WNT11: variants seen among roughly 807,000 people sequenced by gnomAD.
The protein encoded by WNT11 is Wnt family member 11.
In WNT11, 20 loss-of-function variants were observed where a neutral mutation model predicts 35.6. The observed-to-expected ratio is 0.56, with a 90% CI of 0.40 to 0.82. The LOEUF (loss-of-function observed/expected upper bound fraction) is 0.82. WNT11 is among the 40% of genes least tolerant of loss of function. The probability of loss-of-function intolerance (pLI) is 0.00; values close to 1 mark genes in which losing one functional copy is unlikely to be tolerated. For missense variants in WNT11, 459 were observed against 504.4 expected (o/e 0.91, Z 0.86); for synonymous variants, 200 against 211.9 (o/e 0.94, Z 0.49).
At chr11:76,207,319 C>T (rs967258579), upstream of WNT11, among the ~76,000 whole-genome samples, 2 of 152,300 alleles carry the variant, frequency 1.3e-5, no homozygotes, top group Admixed American at 1.3e-4. Context: ...GCGGAGATTG[C>T]GCCACTGCAC....
upstream of WNT11, among the ~76,000 whole-genome samples, chr11:76,209,229 T>C (rs371548302): frequency 5.3e-5 from 8 of 152,196 alleles, no homozygotes; most frequent in African/African-American, 1.9e-4. Context: ...TCCTCGAAGT[T>C]GGTCCGAGCT....
At chr11:76,198,664 C>T (rs1953325895) in intron 1 of WNT11, among the ~76,000 whole-genome samples, 2 of 152,144 alleles carry the variant, frequency 1.3e-5, no homozygotes. Flanking sequence ...AGATCCTTTC[C>T]TCAAGGATGC....
chr11:76,208,065 AG>A (rs1319532700), upstream of WNT11, among the ~76,000 whole-genome samples: 6 of 152,312 alleles, frequency 3.9e-5, no homozygotes, highest in East Asian at 1.2e-3. Flanking sequence ...AGCTTGGGCA[AG>A]CCCTCAGCCA....
chr11:76,188,864 C>G (rs972989005), intron 4 of WNT11, among the ~76,000 whole-genome samples: 1 of 152,164 alleles, frequency 6.6e-6, no homozygotes, highest in Non-Finnish European at 1.5e-5. Flanking sequence ...AGGCAGAAGA[C>G]GAGGCCTGCC....
At chr11:76,199,354 G>A (rs1953338602) in intron 1 of WNT11, among the ~76,000 whole-genome samples, 1 of 151,816 alleles carries the variant, frequency 6.6e-6, no homozygotes, top group Non-Finnish European at 1.5e-5. Context: ...GTGTTGTGGT[G>A]CATGCCTATA....
chr11:76,192,038 G>C (rs1298778130), intron 3 of WNT11, among the ~76,000 whole-genome samples, 182 bp from the exon 4 acceptor site: 1 of 152,128 alleles, frequency 6.6e-6, no homozygotes, highest in Non-Finnish European at 1.5e-5. Context: ...GCAACCGTGG[G>C]GGGCACAGCT....
At chr11:76,188,710 C>T (rs1300243252) in intron 4 of WNT11, among the ~76,000 whole-genome samples, 1 of 152,218 alleles carries the variant, frequency 6.6e-6, no homozygotes, top group Admixed American at 6.5e-5. Context: ...AGGGGCCTTG[C>T]CCGTGGTGAG....
intron 1 of WNT11, among the ~76,000 whole-genome samples, chr11:76,205,719 A>T (rs1273080277): frequency 6.6e-6 from 1 of 151,468 alleles, no homozygotes; most frequent in Non-Finnish European, 1.5e-5. Flanking sequence ...TCTCCCTCCT[A>T]CCCCTGCGTG....
chr11:76,194,684 G>C lies in WNT11; in HGVS notation c.480C>G (p.Asn160Lys). The C allele has an allele frequency of 6.4e-7, 1 of 1,550,656 alleles. No homozygotes were observed. Among genetic ancestry groups the C allele is most frequent in the Non-Finnish European group, 8.7e-7 (1 of 1,146,948 alleles). ...CCCCCATGAGGAGCCCGTAGCTGAG[G>C]TTGTCCGCACATCCTCCCCAGCGGT... The part of the protein sequence containing the change: ...PGNRWGGCAD[N>K]LSYGLLMGAK... Residue 160 changes from asparagine (N) to lysine (K), a missense_variant, in exon 3 of 5, where the codon AAC becomes AAG. By Grantham distance (94) the Asn-to-Lys change is moderately conservative (BLOSUM62 0). Transcript: ENST00000322563. This position sits in a 1 kb window ranked among gnomAD's most constrained non-coding sequence, Gnocchi z 5.4.
intron 4 of WNT11, among the ~76,000 whole-genome samples, chr11:76,189,164 A>G (rs963556693): frequency 1.3e-5 from 2 of 152,242 alleles, no homozygotes; most frequent in African/African-American, 4.8e-5. Flanking sequence ...CTTGGCATCC[A>G]TGAGTTCCCC....
At chr11:76,205,553 C>T (rs1267777872) in intron 1 of WNT11, among the ~76,000 whole-genome samples, 1 of 152,208 alleles carries the variant, frequency 6.6e-6, no homozygotes, top group Admixed American at 6.5e-5. Context: ...GGTTTCTCCT[C>T]GGGCACTTGG....
At chr11:76,188,216 G>GT (rs1177244868) in intron 4 of WNT11, among the ~76,000 whole-genome samples, 2 of 152,232 alleles carry the variant, frequency 1.3e-5, no homozygotes, top group Admixed American at 1.3e-4. Flanking sequence ...TCTTATCTTA[G>GT]TGGAGGCCTG....
Position 76,187,151 on chromosome 11 carries a change from C to T in WNT11, c.979G>A (p.Glu327Lys), listed in dbSNP as rs148453764. The T allele has an allele frequency of 1.9e-6, 3 of 1,612,032 alleles. No individual in the cohort carries two copies. Among genetic ancestry groups the T allele is most frequent in the Admixed American group, 1.7e-5 (1 of 60,032 alleles). Residue 327 changes from glutamate (E) to lysine (K), a missense_variant, in exon 5 of 5, where the codon GAG becomes AAG. Glu to Lys is a moderately conservative substitution (Grantham distance 56). Transcript: ENST00000322563. ...CAGTGGTACTTACAGTGGCACCGCTCGACCACGCGGTCTGTGTAGGGGTTG... is the reference window on the plus strand; with the variant it reads ...CAGTGGTACTTACAGTGGCACCGCTTGACCACGCGGTCTGTGTAGGGGTTG... ...GYNPYTDRVV[E>K]RCHCKYHWCC...
chr11:76,190,529 C>T (rs1256545610), intron 4 of WNT11, among the ~76,000 whole-genome samples: 1 of 152,110 alleles, frequency 6.6e-6, no homozygotes, highest in Admixed American at 6.5e-5. Context: ...CTCCTGGAGA[C>T]AGGAACGTGG....
intron 3 of WNT11, among the ~76,000 whole-genome samples, chr11:76,192,365 G>C (rs1262793701): frequency 2.0e-5 from 3 of 152,180 alleles, no homozygotes. Flanking sequence ...AAGAAGAGAA[G>C]GAAGGAAGGG....
upstream of WNT11, among the ~76,000 whole-genome samples, chr11:76,209,152 C>T (rs1953519950): frequency 6.6e-6 from 1 of 152,154 alleles, no homozygotes; most frequent in Non-Finnish European, 1.5e-5. Context: ...TGCCCGGCCC[C>T]TTGCTTGGGG....
intron 1 of WNT11, among the ~76,000 whole-genome samples, chr11:76,201,218 G>A (rs1015207535): frequency 6.6e-6 from 1 of 152,212 alleles, no homozygotes; most frequent in African/African-American, 2.4e-5. Flanking sequence ...GCCCTGGTGG[G>A]CCCAGAGCAG....
chr11:76,197,118 G>A (rs528779778), intron 1 of WNT11, among the ~76,000 whole-genome samples: 6 of 152,330 alleles, frequency 3.9e-5, no homozygotes, highest in African/African-American at 7.2e-5. Context: ...GAGCAGCTAC[G>A]TGCCAGAAAC....
At chr11:76,204,722 A>T (rs1953444026) in intron 1 of WNT11, among the ~76,000 whole-genome samples, 1 of 152,016 alleles carries the variant, frequency 6.6e-6, no homozygotes, top group Non-Finnish European at 1.5e-5. Flanking sequence ...CATGGACGTC[A>T]GGTTTAGCCA....
Sources: allele counts gnomAD v4.1 joint callset (sites outside exome capture counted in the v4.1 genomes callset), GRCh38; gene constraint gnomAD v4.1.1; non-coding constraint Gnocchi (gnomAD v3.1); transcripts MANE v1.5; gene names NCBI Gene and HGNC (gene_info 2026-07-23, HGNC 2026-07-21).